The following LIPE variants were observed in gnomAD, a reference collection of about 807,000 sequenced individuals.
The protein encoded by LIPE is lipase E, hormone sensitive type.
A neutral mutation model predicts 88.5 loss-of-function variants in LIPE; 66 were observed. That is an observed-to-expected ratio of 0.75 (90% CI 0.61 to 0.91). LIPE has a LOEUF of 0.91. Among genes scored for constraint, LIPE ranks in the 40% least tolerant of loss-of-function variants. The pLI is 0.00. For missense variants in LIPE, 1,346 were observed against 1,434.7 expected, an observed-to-expected ratio of 0.94 and a Z score of 1.00; for synonymous variants, 570 against 617.5, an observed-to-expected ratio of 0.92 and a Z score of 1.14.
At chr19:42,403,667 G>A (rs35855384) in intron 8 of LIPE, among the ~76,000 whole-genome samples, 4,959 of 152,006 alleles carry the variant, frequency 0.033, 240 homozygotes, top group African/African-American at 0.11. Context: ...TGGCCAGGCT[G>A]TTCTCGAATT....
Position 42,405,416 on chromosome 19 carries a change from G to A in LIPE, c.2511C>T (p.Arg837=), listed in dbSNP as rs374158930. The A allele has an allele frequency of 6.2e-7, 1 of 1,613,642 alleles. No homozygotes were observed. Among genetic ancestry groups the A allele is most frequent in the Non-Finnish European group, 8.5e-7 (1 of 1,179,994 alleles). ...TGGGCTCCGACATCTTCTGGGACTT[G>A]CGCCCACTTAACTCCAGGAAGGAGT... is the stretch of plus-strand genomic sequence containing the variant. ...WLNSFLELSG[R]KSQKMSEPIA... The change falls in exon 8 of 10, where the codon CGC becomes CGT. Residue 837 remains arginine (R), a synonymous_variant. Coordinates refer to ENST00000244289, the MANE Select transcript of LIPE (RefSeq NM_005357.4).
chr19:42,424,452 C>G (rs957265884), intron 1 of LIPE: 3 of 456,062 alleles, frequency 6.6e-6, no homozygotes, highest in African/African-American at 6.0e-5. Context: ...GGGCGGGCAT[C>G]CCTTGAGACT....
At chr19:42,423,769 G>T in intron 1 of LIPE, 1 of 1,112,056 alleles carries the variant, frequency 9.0e-7, no homozygotes, top group Non-Finnish European at 1.1e-6. Context: ...AAGGGCTCGC[G>T]GCCAACAAAA....
In LIPE at chr19:42,402,059, G is replaced by A. The variant is rs1008817231; in HGVS notation, c.2984C>T (p.Pro995Leu). 191 of 1,504,396 alleles carry A rather than the reference G, an allele frequency of 1.3e-4. No homozygotes were observed. The highest frequency in any genetic ancestry group is 1.6e-4 in the Non-Finnish European group (178 of 1,124,516). 93.2% of individuals were successfully genotyped at this position (1,504,396 alleles called of 1,614,324 possible). ...PVHIVACALDPMLDDSVMLAR... is the reference protein window; with the variant it reads ...PVHIVACALDLMLDDSVMLAR... ...GAGCATGACCGAGTCGTCCAGCATG[G>A]GGTCCAGCGCGCACGCCTACGGGAC... Residue 995 changes from proline to leucine, a missense_variant, in exon 10 of 10, where the codon CCC (proline) becomes CTC (leucine). Transcript: ENST00000244289.
In LIPE at chr19:42,410,914, G is replaced by A. The variant is rs948610736; in HGVS notation, c.884-72C>T. On this transcript the variant is annotated intron_variant, in intron 1 of 9. Transcript: ENST00000244289. The surrounding 1 kb of genome is among the most constrained non-coding windows in gnomAD (Gnocchi z 6.1). ...TGCTTAGCTGGGGCCCAGGAGTCTG[G>A]GCCATAGCTTACCCACTCCTCCTTC... The A allele has an allele frequency of 3.5e-6, 5 of 1,416,782 alleles. No individual in the cohort carries two copies. The African/African-American group carries it at 7.2e-5, about 20-fold the overall frequency. 87.8% of individuals were successfully genotyped at this position (1,416,782 alleles called of 1,614,324 possible). A position where few individuals can be genotyped will look rare whatever the true frequency, so the allele number is the denominator to read the frequency against.
In LIPE at chr19:42,427,027, A is replaced by T. The variant is rs755050479; in HGVS notation, c.123T>A (p.Thr41=). The T allele has an allele frequency of 6.2e-7, 1 of 1,613,540 alleles. No homozygotes were observed. The highest frequency in any genetic ancestry group is 1.1e-5 in the South Asian group (1 of 91,050). The part of the protein sequence containing the change: ...KTPIAQPESK[T]LQGSNTQQKP... ...TCTGTTGGGTATTGGATCCCTGCAG[A>T]GTCTTCGATTCTGGCTGGGCTATGG... The change falls in exon 1 of 10, where the codon ACT becomes ACA. Residue 41 remains threonine (T), a synonymous_variant. Transcript: ENST00000244289.
At position 42,402,639 on chromosome 19, in the gene LIPE, T is replaced by C. The variant is rs761044278; in HGVS notation, c.2935A>G (p.Met979Val). Residue 979 changes from methionine (M) to valine (V), a missense_variant, in exon 9 of 10, where the codon ATG becomes GTG. Met to Val is a conservative substitution (Grantham distance 21). Transcript: ENST00000244289. Reference sequence around the variant, plus strand: ...TGCACAGGTGGCAGGCTCTTGAGCATGCTGTCGGGTGCCAGCAGCGGCGAC... The same window carrying C: ...TGCACAGGTGGCAGGCTCTTGAGCACGCTGTCGGGTGCCAGCAGCGGCGAC... ...FMSPLLAPDS[M>V]LKSLPPVHIV... 4.7e-6 allele frequency: 7 copies of C among 1,497,906 alleles called. No individual in the cohort carries two copies. Among genetic ancestry groups the C allele is most frequent in the Non-Finnish European group, 6.2e-6 (7 of 1,121,758 alleles). 92.8% of individuals were successfully genotyped at this position (1,497,906 alleles called of 1,614,324 possible).
intron 1 of LIPE, among the ~76,000 whole-genome samples, chr19:42,420,374 T>A (rs1485892071): frequency 6.6e-6 from 1 of 152,222 alleles, no homozygotes; most frequent in Admixed American, 6.5e-5. Flanking sequence ...CCGTCGGCAC[T>A]GGTACATTTG....
At chr19:42,416,429 T>A (rs2040489213) in intron 1 of LIPE, among the ~76,000 whole-genome samples, 1 of 152,208 alleles carries the variant, frequency 6.6e-6, no homozygotes, top group Admixed American at 6.5e-5. Context: ...AGATCATTGA[T>A]GAAGACGGCT....
At chr19:42,417,933 G>C (rs2040521715) in intron 1 of LIPE, among the ~76,000 whole-genome samples, 2 of 150,938 alleles carry the variant, frequency 1.3e-5, no homozygotes, top group African/African-American at 4.9e-5. Flanking sequence ...TTTAGACTAT[G>C]ACATAGACTT....
rs569557013 is a variant in LIPE, at chr19:42,406,961, T to A, written c.2137+213A>T. ...GGGAGACAGGACGGTGGGTGGGAAG[T>A]GGAGGTGGAGGAGATGGAGAGTCTG... On this transcript the variant is annotated intron_variant, in intron 6 of 9. Coordinates refer to ENST00000244289, the MANE Select transcript of LIPE (RefSeq NM_005357.4). This position sits in a 1 kb window ranked among gnomAD's most constrained non-coding sequence, Gnocchi z 5.7. Among the ~76,000 whole-genome samples, 10 of 151,036 alleles carry A rather than the reference T, an allele frequency of 6.6e-5. No individual in the cohort carries two copies. The highest frequency in any genetic ancestry group is 1.0e-4 in the Non-Finnish European group (7 of 67,670).
intron 1 of LIPE, among the ~76,000 whole-genome samples, chr19:42,421,391 C>T (rs916421585): frequency 3.9e-5 from 6 of 152,170 alleles, no homozygotes; most frequent in Non-Finnish European, 7.4e-5. Context: ...ATATTGCCTC[C>T]TTGGGAAGCC....
chr19:42,414,831 C>CA lies in LIPE; in HGVS notation c.884-3990dup. Among the ~76,000 whole-genome samples, 1 of 152,198 alleles carries CA rather than the reference C, an allele frequency of 6.6e-6. No individual in the cohort carries two copies. Among genetic ancestry groups the CA allele is most frequent in the Non-Finnish European group, 1.5e-5 (1 of 68,050 alleles). Reference sequence around the variant, plus strand: ...GAGTGGGGGCACCACCAACCATGTCCACGTAAGAGGGCGAACTTTACCGAT... The same window carrying CA: ...GAGTGGGGGCACCACCAACCATGTCCAACGTAAGAGGGCGAACTTTACCGAT... On this transcript the variant is annotated intron_variant, in intron 1 of 9. Transcript: ENST00000244289. This position sits in a 1 kb window ranked among gnomAD's most constrained non-coding sequence, Gnocchi z 4.6.
chr19:42,403,725 T>C lies in LIPE; in HGVS notation c.2543-694A>G, dbSNP rs182328985. 3.0e-4 allele frequency among the ~76,000 whole-genome samples: 45 copies of C among 152,202 alleles called. 1 individual carries two copies. The stretch of plus-strand genomic sequence containing the variant: ...GCCTCGGCCTCCCATAGTGCTGGGA[T>C]TACACTTACCACAAGGTGTAAATGG... On this transcript the variant is annotated intron_variant, in intron 8 of 9. Coordinates refer to ENST00000244289, the MANE Select transcript of LIPE (RefSeq NM_005357.4).
Position 42,406,316 on chromosome 19 carries a change from C to T in LIPE, c.2210G>A (p.Arg737Gln), listed in dbSNP as rs1342263737. 6 of 1,613,990 alleles carry T rather than the reference C, an allele frequency of 3.7e-6. No homozygotes were observed. The highest frequency in any genetic ancestry group is 2.2e-5 in the East Asian group (1 of 44,894). The change falls in exon 7 of 10, where the codon CGG (arginine) becomes CAG (glutamine). Residue 737 changes from arginine to glutamine, a missense_variant. Coordinates refer to ENST00000244289, the MANE Select transcript of LIPE (RefSeq NM_005357.4). This position sits in a 1 kb window ranked among gnomAD's most constrained non-coding sequence, Gnocchi z 5.7. ...GGNLCFTVALRAAAYGVRVPD... is the reference protein window; with the variant it reads ...GGNLCFTVALQAAAYGVRVPD... The stretch of plus-strand genomic sequence containing the variant: ...CACCCGCACCCCGTAGGCTGCTGCC[C>T]GAAGAGCCACGGTGAAGCAGAGGTT...
rs775743191 is a variant in LIPE at position 42,410,590 on chromosome 19, G to C, written c.1136C>G (p.Thr379Arg). The C allele has an allele frequency of 2.5e-6, 4 of 1,613,254 alleles. No individual in the cohort carries two copies. Among genetic ancestry groups the C allele is most frequent in the Non-Finnish European group, 3.4e-6 (4 of 1,179,966 alleles). Residue 379 changes from threonine to arginine, a missense_variant, in exon 2 of 10, where the codon ACA (threonine) becomes AGA (arginine). Coordinates refer to ENST00000244289, the MANE Select transcript of LIPE (RefSeq NM_005357.4). The surrounding 1 kb of genome is among the most constrained non-coding windows in gnomAD (Gnocchi z 6.1). ...GAGGTGCGCCAGGCAGCAGCGGGCT[G>C]TGTGCACTAGGCTGCGGTACCCGTT... ...PANGYRSLVH[T>R]ARCCLAHLLH...
At position 42,406,833 on chromosome 19, in the gene LIPE, G is replaced by A. The variant is rs900678807; in HGVS notation, c.2137+341C>T. Among the ~76,000 whole-genome samples, 1 of 152,210 alleles carries A rather than the reference G, an allele frequency of 6.6e-6. No individual in the cohort carries two copies. The highest frequency in any genetic ancestry group is 1.5e-5 in the Non-Finnish European group (1 of 68,040). Reference sequence around the variant, plus strand: ...TGCCTCAGTGTCCTCCCAAGATGTTGATCTTCGAAGAGGGAGGTCAGAGAA... The same window carrying A: ...TGCCTCAGTGTCCTCCCAAGATGTTAATCTTCGAAGAGGGAGGTCAGAGAA... On this transcript the variant is annotated intron_variant, in intron 6 of 9. Transcript: ENST00000244289. The surrounding 1 kb of genome is among the most constrained non-coding windows in gnomAD (Gnocchi z 5.7).
Position 42,407,268 on chromosome 19 carries a change from G to A in LIPE, c.2043C>T (p.Ile681=), listed in dbSNP as rs371461266. 15 of 1,605,194 alleles carry A rather than the reference G, an allele frequency of 9.3e-6. No individual in the cohort carries two copies. In the African/African-American group the frequency reaches 1.2e-4, roughly 13 times the overall value. The part of the protein sequence containing the change: ...AQELGAPIIS[I]DYSLAPEAPF... ...GGGCCTCAGGGGCCAGGGAGTAGTC[G>A]ATGGAGATGATGGGGGCGCCCAGCT... Residue 681 remains isoleucine (I), a synonymous_variant, in exon 6 of 10, where the codon ATC becomes ATT. Coordinates refer to ENST00000244289, the MANE Select transcript of LIPE (RefSeq NM_005357.4). The surrounding 1 kb of genome is among the most constrained non-coding windows in gnomAD (Gnocchi z 5.8).
chr19:42,424,722 G>GT (rs763620447), intron 1 of LIPE: 14 of 426,122 alleles, frequency 3.3e-5, no homozygotes, highest in Non-Finnish European at 6.6e-5. Context: ...GGCTGCGTTG[G>GT]TTTTTCCCCC....
Sources: gnomAD v4.1 joint callset for allele counts (sites outside exome capture counted in the v4.1 genomes callset) on GRCh38, gnomAD v4.1.1 for gene constraint, Gnocchi (gnomAD v3.1) non-coding constraint, MANE v1.5 for transcripts, NCBI Gene and HGNC (gene_info 2026-07-23, HGNC 2026-07-21) for gene names.